TRMO: variants seen among roughly 807,000 people sequenced by gnomAD.
The protein encoded by TRMO is tRNA (adenine(37)-N6)-methyltransferase.
Under a neutral mutation model 37.2 loss-of-function variants are expected in TRMO, and 30 were observed. The ratio of observed to expected loss-of-function variants is 0.81; its 90% CI spans 0.60 to 1.09. The LOEUF (loss-of-function observed/expected upper bound fraction) is 1.09, where lower values mean the gene tolerates loss of function less well. Among genes scored for constraint, TRMO ranks in the 50% least tolerant of loss-of-function variants. The probability of loss-of-function intolerance (pLI) is 0.00; values close to 1 mark genes in which losing one functional copy is unlikely to be tolerated. For synonymous variants in TRMO, 239 were observed against 199.4 expected (o/e 1.20, Z -1.67); for missense variants, 552 against 549.5 (o/e 1.00, Z -0.05).
At chr9:97,901,560 G>A (rs1831169523), downstream of TRMO, among the ~76,000 whole-genome samples, 1 of 152,092 alleles carries the variant, frequency 6.6e-6, no homozygotes, top group Admixed American at 6.6e-5. Flanking sequence ...ATTTGTGTGT[G>A]TGTGTACATG....
chr9:97,920,179 G>C (rs1339163902), intron 1 of TRMO, among the ~76,000 whole-genome samples: 1 of 152,194 alleles, frequency 6.6e-6, no homozygotes, highest in East Asian at 1.9e-4. Context: ...TAAGGACTTG[G>C]GGTACAAATA....
At chr9:97,910,839 C>A (rs879943013) in intron 3 of TRMO, 1 of 609,528 alleles carries the variant, frequency 1.6e-6, no homozygotes, top group East Asian at 2.8e-5. Flanking sequence ...CAAAAGCACA[C>A]CTTTTACAAA....
At position 97,913,281 on chromosome 9, in the gene TRMO, G is replaced by A. The variant is rs763004047; in HGVS notation, c.409+120C>T. On this transcript the variant is annotated intron_variant, in intron 3 of 4. Coordinates refer to ENST00000375119, the MANE Select transcript of TRMO (RefSeq NM_016481.5). ...ATTGTATTTTCTTCAATGTCTGGTG[G>A]TTCTCAGGAGTTAACATCATTGGTA... 75 of 1,100,918 alleles carry A rather than the reference G, an allele frequency of 6.8e-5. No individual in the cohort carries two copies. The Middle Eastern group carries it at 1.2e-3, about 18-fold the overall frequency. 68.2% of individuals were successfully genotyped at this position (1,100,918 alleles called of 1,614,324 possible). A position where few individuals can be genotyped will look rare whatever the true frequency, so the allele number is the denominator to read the frequency against.
At chr9:97,914,466 G>A (rs951350961) in intron 2 of TRMO, among the ~76,000 whole-genome samples, 1 of 152,044 alleles carries the variant, frequency 6.6e-6, no homozygotes, top group African/African-American at 2.4e-5. Context: ...AATTTTAGAG[G>A]ATAATTTGGA....
the TRMO span, among the ~76,000 whole-genome samples, chr9:97,897,256 TATAACCTTTCTGTAA>T: frequency 1.3e-5 from 2 of 152,228 alleles, no homozygotes; most frequent in Admixed American, 1.3e-4. Context: ...TGGAACTCAA[TATAACCTTTCTGTAA>T]ATAACCTTTC....
downstream of TRMO, among the ~76,000 whole-genome samples, chr9:97,902,792 A>C (rs886753730): frequency 6.6e-6 from 1 of 152,208 alleles, no homozygotes; most frequent in Non-Finnish European, 1.5e-5. Flanking sequence ...CAACAAAATC[A>C]AACTAAAGTG....
intron 3 of TRMO, 27 bp downstream of exon 3, chr9:97,913,374 G>C: frequency 6.2e-7 from 1 of 1,613,034 alleles, no homozygotes; most frequent in Admixed American, 1.7e-5. Context: ...TGAGGAAAAA[G>C]GTAAAAGTAG....
chr9:97,901,732 T>A (rs1410328752), downstream of TRMO, among the ~76,000 whole-genome samples: 3 of 147,774 alleles, frequency 2.0e-5, no homozygotes, highest in East Asian at 6.0e-4. Context: ...GGAATGAGCT[T>A]GGATGGTTGC....
downstream of TRMO, among the ~76,000 whole-genome samples, chr9:97,901,360 G>C (rs896475334): frequency 2.0e-5 from 3 of 151,846 alleles, no homozygotes; most frequent in Non-Finnish European, 4.4e-5. Flanking sequence ...AAATCTAAAG[G>C]ACCAAGAATC....
At chr9:97,915,518 CA>C (rs1396809647) in intron 2 of TRMO, among the ~76,000 whole-genome samples, 1 of 152,186 alleles carries the variant, frequency 6.6e-6, no homozygotes, top group Non-Finnish European at 1.5e-5. Context: ...AATAATGACC[CA>C]GGGGCAGAGT....
chr9:97,921,142 CAA>C, intron 1 of TRMO, among the ~76,000 whole-genome samples: 1 of 152,322 alleles, frequency 6.6e-6, no homozygotes, highest in South Asian at 2.1e-4. Context: ...TAACAAAGTT[CAA>C]ACTTTAGAAT....
intron 1 of TRMO, among the ~76,000 whole-genome samples, chr9:97,917,784 C>G (rs990689619): frequency 6.6e-6 from 1 of 151,712 alleles, no homozygotes; most frequent in Admixed American, 6.6e-5. Flanking sequence ...GCTCAAGCGA[C>G]TCTCGTGCCT....
At chr9:97,909,918 T>C (rs78282249) in intron 4 of TRMO, 42 bp downstream of exon 4, 2 of 1,438,504 alleles carry the variant, frequency 1.4e-6, no homozygotes, top group South Asian at 2.8e-5. Context: ...AATCTCAAAG[T>C]AAAAGTTCAT....
At chr9:97,897,168 T>C in the TRMO span, among the ~76,000 whole-genome samples, 2 of 152,254 alleles carry the variant, frequency 1.3e-5, no homozygotes, top group African/African-American at 4.8e-5. Context: ...AATAAATCCT[T>C]TAAAAATAAA....
chr9:97,917,860 T>G (rs919482368), intron 1 of TRMO, among the ~76,000 whole-genome samples: 1 of 150,760 alleles, frequency 6.6e-6, no homozygotes, highest in African/African-American at 2.4e-5. Context: ...TTTTTTTTTT[T>G]TTGTAGAGAA....
downstream of TRMO, among the ~76,000 whole-genome samples, chr9:97,902,336 T>A (rs748025353): frequency 1.3e-5 from 2 of 152,240 alleles, no homozygotes; most frequent in South Asian, 4.1e-4. Context: ...GGTCTCACTC[T>A]GTCGCCCAGG....
Position 97,916,030 on chromosome 9 carries a change from C to T in TRMO, c.251+134G>A, listed in dbSNP as rs1826343416. On this transcript the variant is annotated intron_variant, in intron 2 of 4. Coordinates refer to ENST00000375119, the MANE Select transcript of TRMO (RefSeq NM_016481.5). ...TACTCCAACCTGGGTGACAGAGACC[C>T]TGACTCAAAAACAAAACAAAACAAA... 1.3e-5 allele frequency: 8 copies of T among 599,340 alleles called. 1 individual carries two copies. Among genetic ancestry groups the T allele is most frequent in the South Asian group, 1.3e-4 (5 of 38,800 alleles). The allele number at this position is 599,340 out of a possible 1,614,324, so 37.1% of individuals were successfully genotyped here.
At position 97,913,436 on chromosome 9, in the gene TRMO, A is replaced by G; in HGVS notation, c.374T>C (p.Ile125Thr). ...STRSPHRPNA[I>T]GLTLAKLEKV... is the part of the protein sequence containing the mutation. Reference sequence around the variant, plus strand: ...TTCCAGCTTGGCCAGGGTCAGTCCTATTGCATTGGGACGATGAGGGCTCCT... The same window carrying G: ...TTCCAGCTTGGCCAGGGTCAGTCCTGTTGCATTGGGACGATGAGGGCTCCT... Residue 125 changes from isoleucine to threonine, a missense_variant, in exon 3 of 5, where the codon ATA becomes ACA. Coordinates refer to ENST00000375119, the MANE Select transcript of TRMO (RefSeq NM_016481.5). 1 of 1,613,976 alleles carries G rather than the reference A, an allele frequency of 6.2e-7. No homozygotes were observed. Among genetic ancestry groups the G allele is most frequent in the Non-Finnish European group, 8.5e-7 (1 of 1,179,920 alleles).
At chr9:97,896,860 G>T in the TRMO span, among the ~76,000 whole-genome samples, 1 of 152,152 alleles carries the variant, frequency 6.6e-6, no homozygotes, top group Non-Finnish European at 1.5e-5. Context: ...TCCAGTTTGA[G>T]TTCTAGACAT....
Sources: allele counts gnomAD v4.1 joint callset (sites outside exome capture counted in the v4.1 genomes callset), GRCh38; gene constraint gnomAD v4.1.1; transcripts MANE v1.5; gene names NCBI Gene and HGNC (gene_info 2026-07-23, HGNC 2026-07-21).